The following CLEC16A variants were observed in gnomAD, a reference collection of about 807,000 sequenced individuals.
CLEC16A encodes the protein C-type lectin domain containing 16A.
A neutral mutation model predicts 109.5 loss-of-function variants in CLEC16A; 51 were observed. The ratio of observed to expected loss-of-function variants is 0.47; its 90% CI spans 0.37 to 0.59. CLEC16A has a LOEUF of 0.59. Ranked by LOEUF, CLEC16A falls within the 20% of genes least tolerant of loss-of-function variation. The pLI, the probability that CLEC16A is intolerant of heterozygous loss-of-function variation, is 0.00. For synonymous variants in CLEC16A, 673 were observed against 564.2 expected (o/e 1.19, Z -2.73); for missense variants, 1,339 against 1,394.0 (o/e 0.96, Z 0.63).
In CLEC16A at chr16:11,044,324, G is replaced by C. The variant is rs184571144; in HGVS notation, c.1815+252G>C. 4.8e-4 allele frequency: 159 copies of C among 330,102 alleles called. 1 individual carries two copies. Among genetic ancestry groups the C allele is most frequent in the Non-Finnish European group, 8.7e-5 (16 of 183,356 alleles). The allele number at this position is 330,102 out of a possible 1,614,324, so 20.4% of individuals were successfully genotyped here. A position where few individuals can be genotyped will look rare whatever the true frequency, so the allele number is the denominator to read the frequency against. The stretch of plus-strand genomic sequence containing the variant: ...GATAATTTGTTTCTCAGTAATACAT[G>C]GATTTGGTTATTTGGGAATAATTAT... On this transcript the variant is annotated intron_variant, in intron 16 of 23. Transcript: ENST00000409790.
At chr16:10,969,557 A>G (rs918100718) in intron 4 of CLEC16A, among the ~76,000 whole-genome samples, 3 of 152,200 alleles carry the variant, frequency 2.0e-5, no homozygotes, top group African/African-American at 7.2e-5. Context: ...TATGTTTCCC[A>G]GGTTGGCCTT....
chr16:11,019,341 C>A (rs1380256285), intron 11 of CLEC16A, among the ~76,000 whole-genome samples: 1 of 152,174 alleles, frequency 6.6e-6, no homozygotes, highest in Non-Finnish European at 1.5e-5. Context: ...CATGCTTAAG[C>A]TGATTGCTAC....
intron 19 of CLEC16A, among the ~76,000 whole-genome samples, chr16:11,069,796 G>C (rs997649030): frequency 2.0e-5 from 3 of 151,506 alleles, no homozygotes; most frequent in African/African-American, 4.8e-5. Flanking sequence ...AAAATGAGCA[G>C]ATTTTAAAAA....
At chr16:11,051,857 C>A (rs928565500) in intron 18 of CLEC16A, among the ~76,000 whole-genome samples, 1 of 152,234 alleles carries the variant, frequency 6.6e-6, no homozygotes, top group African/African-American at 2.4e-5. Context: ...GCATCTGGCA[C>A]CCAGTGTTGG....
intron 22 of CLEC16A, among the ~76,000 whole-genome samples, chr16:11,135,765 C>T (rs929355962): frequency 5.3e-5 from 8 of 152,230 alleles, no homozygotes; most frequent in Non-Finnish European, 7.3e-5. Context: ...CGGGTGGGCC[C>T]GCAGCAGGGC....
At chr16:11,172,533 CTTAT>C (rs1354135195) in intron 23 of CLEC16A, among the ~76,000 whole-genome samples, 14 of 152,002 alleles carry the variant, frequency 9.2e-5, no homozygotes, top group Admixed American at 3.3e-4. Flanking sequence ...TGTCAGCCTG[CTTAT>C]TTATTTATTT....
At chr16:11,121,024 G>T (rs1263868599) in intron 20 of CLEC16A, among the ~76,000 whole-genome samples, 2 of 152,158 alleles carry the variant, frequency 1.3e-5, no homozygotes, top group African/African-American at 4.8e-5. Flanking sequence ...CATTATCAGT[G>T]TGACCTTTCC....
At chr16:11,038,712 C>G (rs1328603140) in intron 13 of CLEC16A, among the ~76,000 whole-genome samples, 1 of 152,154 alleles carries the variant, frequency 6.6e-6, no homozygotes, top group Non-Finnish European at 1.5e-5. Flanking sequence ...TCCCTTGCCT[C>G]TTAATGATAG....
chr16:11,112,532 T>A (rs1039873856), intron 19 of CLEC16A, among the ~76,000 whole-genome samples: 8 of 147,958 alleles, frequency 5.4e-5, no homozygotes, highest in African/African-American at 2.0e-4. Flanking sequence ...CCAGGAATGA[T>A]GGCACACCTG....
At chr16:11,130,122 C>T (rs2053103702) in intron 22 of CLEC16A, among the ~76,000 whole-genome samples, 1 of 152,142 alleles carries the variant, frequency 6.6e-6, no homozygotes, top group South Asian at 2.1e-4. Context: ...CCTTTGTGTG[C>T]CTGGTCATAG....
chr16:11,120,520 C>G (rs766869551), intron 19 of CLEC16A, 95 bp from the exon 20 acceptor site: 77 of 1,338,810 alleles, frequency 5.8e-5, no homozygotes, highest in Non-Finnish European at 7.7e-5. Context: ...AACCACTGAG[C>G]TCTGCTCCTG....
intron 22 of CLEC16A, chr16:11,126,604 G>A (rs927872945): frequency 4.3e-5 from 13 of 299,004 alleles, no homozygotes; most frequent in South Asian, 2.0e-4. Context: ...ATATGAGGGC[G>A]TCTCCTCCCA....
intron 19 of CLEC16A, among the ~76,000 whole-genome samples, chr16:11,092,234 C>T (rs1219154363): frequency 3.9e-5 from 6 of 152,264 alleles, no homozygotes; most frequent in Non-Finnish European, 8.8e-5. Flanking sequence ...GTCCAAGCTG[C>T]TTGGGAAGCT....
chr16:11,112,901 G>C (rs912535387), intron 19 of CLEC16A, among the ~76,000 whole-genome samples: 1 of 152,122 alleles, frequency 6.6e-6, no homozygotes, highest in Non-Finnish European at 1.5e-5. Context: ...GGCTTGGTCT[G>C]CACAGCCTTT....
In CLEC16A at chr16:11,178,315, G is replaced by A; in HGVS notation, c.2807-20G>A. The A allele has an allele frequency of 6.3e-7, 1 of 1,588,490 alleles. No individual in the cohort carries two copies. The highest frequency in any genetic ancestry group is 8.6e-7 in the Non-Finnish European group (1 of 1,162,026). On this transcript the variant is annotated intron_variant, in intron 23 of 23. Coordinates refer to ENST00000409790, the MANE Select transcript of CLEC16A (RefSeq NM_015226.3). The surrounding 1 kb of genome is among the most constrained non-coding windows in gnomAD (Gnocchi z 6.5). ...GTCTCAAGGGCTCAGTGTGTTTCCG[G>A]TTTTTCTCCCCCAATCCAGATGCCC...
chr16:11,126,197 T>C (rs560445592), intron 22 of CLEC16A, 51 bp downstream of exon 22: 2 of 1,609,314 alleles, frequency 1.2e-6, no homozygotes, highest in African/African-American at 2.7e-5. Context: ...TGGTGGGCGT[T>C]CAAGGTCTTT....
In CLEC16A at chr16:11,179,898, G is replaced by C. The variant is rs1475410070; in HGVS notation, c.*1208G>C. The C allele has an allele frequency of 6.6e-6, 1 of 152,548 alleles. No individual in the cohort carries two copies. The highest frequency in any genetic ancestry group is 2.4e-5 in the African/African-American group (1 of 41,468). The allele number at this position is 152,548 out of a possible 1,614,324, so 9.4% of individuals were successfully genotyped here. A position where few individuals can be genotyped will look rare whatever the true frequency, so the allele number is the denominator to read the frequency against. The stretch of plus-strand genomic sequence containing the variant: ...CTGGGTGTGTACAAGCAAGGACCCA[G>C]ATGCATCAGACACAGCCCCCAAGAT... On this transcript the variant is annotated 3_prime_UTR_variant, in exon 24 of 24. Coordinates refer to ENST00000409790, the MANE Select transcript of CLEC16A (RefSeq NM_015226.3).
At chr16:11,085,799 C>T (rs1339597346) in intron 19 of CLEC16A, among the ~76,000 whole-genome samples, 1 of 152,140 alleles carries the variant, frequency 6.6e-6, no homozygotes, top group Non-Finnish European at 1.5e-5. Flanking sequence ...ATCTTGTTGC[C>T]CAGGCTAGTC....
chr16:11,001,967 C>G (rs2044694871), intron 10 of CLEC16A, among the ~76,000 whole-genome samples: 1 of 152,166 alleles, frequency 6.6e-6, no homozygotes, highest in African/African-American at 2.4e-5. Context: ...AATATAATAG[C>G]AAGGCACGCT....
Sources: gnomAD v4.1 joint callset for allele counts (sites outside exome capture counted in the v4.1 genomes callset) on GRCh38, gnomAD v4.1.1 for gene constraint, Gnocchi (gnomAD v3.1) non-coding constraint, MANE v1.5 for transcripts, NCBI Gene and HGNC (gene_info 2026-07-23, HGNC 2026-07-21) for gene names.